Variants in NR2F1-AS1 observed in about 807,000 individuals in gnomAD.
NR2F1-AS1 encodes the protein NR2F1 regulatory antisense RNA 1.
At chr5:93,487,177 A>G (rs1319760501) in intron 4 of NR2F1-AS1, among the ~76,000 whole-genome samples, 1 of 152,194 alleles carries the variant, frequency 6.6e-6, no homozygotes, top group African/African-American at 2.4e-5. Flanking sequence ...TTCCCTTGGA[A>G]AATCGGCACA....
intron 4 of NR2F1-AS1, among the ~76,000 whole-genome samples, chr5:93,531,499 A>G (rs1268568379): frequency 6.6e-6 from 1 of 152,214 alleles, no homozygotes; most frequent in Non-Finnish European, 1.5e-5. Context: ...AAATTTCCTA[A>G]TAAAATGTTT....
intron 4 of NR2F1-AS1, among the ~76,000 whole-genome samples, chr5:93,430,746 G>A (rs1242787684): frequency 2.0e-5 from 3 of 152,036 alleles, no homozygotes; most frequent in Non-Finnish European, 4.4e-5. Context: ...GAAGTTTCCC[G>A]TCATTATCAA....
chr5:93,495,228 C>T (rs1475465570), intron 4 of NR2F1-AS1, among the ~76,000 whole-genome samples: 4 of 151,952 alleles, frequency 2.6e-5, no homozygotes, highest in African/African-American at 4.8e-5. Context: ...TGTTCTTTTC[C>T]GTACTTTATT....
intron 4 of NR2F1-AS1, among the ~76,000 whole-genome samples, chr5:93,448,340 T>C (rs1243513981): frequency 2.0e-5 from 3 of 152,198 alleles, no homozygotes; most frequent in East Asian, 1.9e-4. Flanking sequence ...TCTGACAAGA[T>C]AGACCTGTCA....
chr5:93,442,876 G>T (rs188130634), intron 4 of NR2F1-AS1, among the ~76,000 whole-genome samples: 9 of 152,204 alleles, frequency 5.9e-5, no homozygotes, highest in Non-Finnish European at 1.0e-4. Flanking sequence ...AACATTTGCC[G>T]TTTTGCAATA....
At chr5:93,473,320 T>A (rs1424124979) in intron 4 of NR2F1-AS1, among the ~76,000 whole-genome samples, 3 of 151,976 alleles carry the variant, frequency 2.0e-5, no homozygotes, top group Non-Finnish European at 2.9e-5. Flanking sequence ...TGCCAATATA[T>A]TCTGTTGATC....
chr5:93,463,665 C>A (rs1003565706), intron 4 of NR2F1-AS1, among the ~76,000 whole-genome samples: 1 of 152,180 alleles, frequency 6.6e-6, no homozygotes, highest in African/African-American at 2.4e-5. Flanking sequence ...GTGGAACTGC[C>A]CAAGACCATG....
chr5:93,512,385 CTGT>C (rs1414228243), intron 4 of NR2F1-AS1, among the ~76,000 whole-genome samples: 11 of 152,062 alleles, frequency 7.2e-5, no homozygotes, highest in Non-Finnish European at 1.2e-4. Flanking sequence ...GTGTTTTAAG[CTGT>C]TATTACAAAA....
chr5:93,459,069 C>T (rs1257417635), intron 4 of NR2F1-AS1, among the ~76,000 whole-genome samples: 1 of 151,830 alleles, frequency 6.6e-6, no homozygotes, highest in Non-Finnish European at 1.5e-5. Context: ...AAAATATTTG[C>T]AAAAGATGTA....
intron 1 of NR2F1-AS1, chr5:93,569,876 C>G (rs1752705107): frequency 6.6e-6 from 1 of 152,184 alleles, no homozygotes; most frequent in Admixed American, 6.5e-5. Context: ...CAATGTCACT[C>G]TTCTCCACAT....
chr5:93,568,319 T>C (rs1197103598), intron 1 of NR2F1-AS1, among the ~76,000 whole-genome samples: 2 of 152,220 alleles, frequency 1.3e-5, no homozygotes, highest in Non-Finnish European at 2.9e-5. Context: ...TAAGTATATT[T>C]ATTTATACTT....
intron 4 of NR2F1-AS1, among the ~76,000 whole-genome samples, chr5:93,414,899 A>C (rs1160658833): frequency 5.9e-5 from 9 of 152,202 alleles, no homozygotes; most frequent in Non-Finnish European, 1.5e-5. Context: ...AAGGAAAAAT[A>C]AACTGTTGCA....
At chr5:93,433,461 C>A (rs947224287) in intron 4 of NR2F1-AS1, among the ~76,000 whole-genome samples, 1 of 152,132 alleles carries the variant, frequency 6.6e-6, no homozygotes, top group Non-Finnish European at 1.5e-5. Context: ...AGGCAGGGTT[C>A]CTCTCTTTTG....
At chr5:93,458,536 CAT>C (rs1750004070) in intron 4 of NR2F1-AS1, among the ~76,000 whole-genome samples, 1 of 151,794 alleles carries the variant, frequency 6.6e-6, no homozygotes, top group Non-Finnish European at 1.5e-5. Flanking sequence ...CAAAATGTAT[CAT>C]AGATTTAAAT....
intron 4 of NR2F1-AS1, among the ~76,000 whole-genome samples, chr5:93,508,150 A>G (rs1340100149): frequency 3.3e-5 from 5 of 152,196 alleles, no homozygotes; most frequent in Admixed American, 1.3e-4. Context: ...GAAAAGACTG[A>G]AAATAAGATA....
intron 4 of NR2F1-AS1, chr5:93,409,964 C>T (rs566282722): frequency 3.0e-4 from 46 of 152,302 alleles, no homozygotes; most frequent in African/African-American, 9.9e-4. Flanking sequence ...AAAGCTGACA[C>T]ATTTTCAATT....
intron 4 of NR2F1-AS1, among the ~76,000 whole-genome samples, chr5:93,514,981 G>A (rs1258845136): frequency 6.6e-6 from 1 of 151,834 alleles, no homozygotes; most frequent in Non-Finnish European, 1.5e-5. Flanking sequence ...ACATCAATAA[G>A]AAATAATATA....
chr5:93,582,841 T>C (rs1044571576), upstream of NR2F1-AS1, among the ~76,000 whole-genome samples: 2 of 151,528 alleles, frequency 1.3e-5, no homozygotes, highest in Non-Finnish European at 2.9e-5. Flanking sequence ...TCAGAGTAAA[T>C]AGCAGCGCAG....
chr5:93,412,839 C>A (rs1482520261), intron 4 of NR2F1-AS1, among the ~76,000 whole-genome samples: 1 of 152,122 alleles, frequency 6.6e-6, no homozygotes, highest in Non-Finnish European at 1.5e-5. Flanking sequence ...TGGCCCAAAC[C>A]TCCTGCTAAA....
Sources: allele counts gnomAD v4.1 joint callset (sites outside exome capture counted in the v4.1 genomes callset), GRCh38; gene constraint gnomAD v4.1.1; transcripts MANE v1.5; gene names NCBI Gene and HGNC (gene_info 2026-07-23, HGNC 2026-07-21).